RIT2: variants seen among roughly 807,000 people sequenced by gnomAD.
RIT2 encodes the protein Ras like without CAAX 2, also known as GTP-binding protein Rit2.
Under a neutral mutation model 23.7 loss-of-function variants are expected in RIT2, and 24 were observed. The observed-to-expected ratio is 1.01, with a 90% CI of 0.73 to 1.43. RIT2 has a LOEUF of 1.43. RIT2 is among the 40% of genes most tolerant of loss of function. RIT2 has a pLI of 0.00. For missense variants in RIT2, 236 were observed against 266.9 expected (o/e 0.88, Z 0.81); for synonymous variants, 107 against 91.1 (o/e 1.17, Z -0.99).
chr18:43,098,989 T>C (rs1256729420), intron 1 of RIT2, among the ~76,000 whole-genome samples: 1 of 152,050 alleles, frequency 6.6e-6, no homozygotes, highest in Non-Finnish European at 1.5e-5. Context: ...AAAACCTCCA[T>C]GCTGTTGGCA....
intron 3 of RIT2, among the ~76,000 whole-genome samples, chr18:42,925,286 C>T (rs555615230): frequency 4.5e-4 from 69 of 152,126 alleles, no homozygotes; most frequent in Non-Finnish European, 8.5e-4. Flanking sequence ...TTCTGACATA[C>T]TCTGATTTTG....
chr18:42,860,478 A>C (rs892612195), intron 4 of RIT2, among the ~76,000 whole-genome samples: 1 of 152,186 alleles, frequency 6.6e-6, no homozygotes, highest in Admixed American at 6.5e-5. Context: ...CAGTGTTCTC[A>C]TTGCTTTTAT....
intron 4 of RIT2, among the ~76,000 whole-genome samples, chr18:42,806,545 T>A (rs61360985): frequency 0.073 from 11,047 of 152,200 alleles, 1,285 homozygotes; most frequent in African/African-American, 0.25. Context: ...AAGAACACAA[T>A]GGCAATAAAT....
At chr18:42,775,487 G>A (rs1268247603) in intron 4 of RIT2, among the ~76,000 whole-genome samples, 2 of 152,008 alleles carry the variant, frequency 1.3e-5, no homozygotes, top group African/African-American at 4.8e-5. Context: ...ACAAGGTCAG[G>A]AGATCGAGAC....
chr18:43,039,349 CTTT>C (rs1251475840), intron 1 of RIT2, among the ~76,000 whole-genome samples: 3 of 133,248 alleles, frequency 2.3e-5, no homozygotes, highest in Non-Finnish European at 3.2e-5. Flanking sequence ...TTTTTCTTTT[CTTT>C]TTTTTTTTTT....
At chr18:42,906,012 ATATATATATG>A (rs1309602725) in intron 4 of RIT2, among the ~76,000 whole-genome samples, 61 of 131,102 alleles carry the variant, frequency 4.7e-4, no homozygotes, top group African/African-American at 2.0e-3. Flanking sequence ...ATATACATAT[ATATATATATG>A]TATATATATA....
At chr18:42,852,432 G>A (rs1907078741) in intron 4 of RIT2, among the ~76,000 whole-genome samples, 2 of 152,130 alleles carry the variant, frequency 1.3e-5, no homozygotes, top group Non-Finnish European at 2.9e-5. Flanking sequence ...CTGTACTGTT[G>A]AACTGATGTG....
At chr18:42,947,020 C>A (rs1255960711) in intron 3 of RIT2, among the ~76,000 whole-genome samples, 1 of 152,044 alleles carries the variant, frequency 6.6e-6, no homozygotes, top group Non-Finnish European at 1.5e-5. Context: ...TCTCTCTTTT[C>A]TTTTTACATA....
intron 4 of RIT2, among the ~76,000 whole-genome samples, chr18:42,800,467 C>T (rs1433265129): frequency 6.6e-6 from 1 of 151,492 alleles, no homozygotes; most frequent in Non-Finnish European, 1.5e-5. Context: ...ATGTCAGAGC[C>T]GATCTACTCT....
intron 1 of RIT2, among the ~76,000 whole-genome samples, chr18:43,047,739 C>T (rs1912281953): frequency 6.6e-6 from 1 of 152,016 alleles, no homozygotes; most frequent in African/African-American, 2.4e-5. Context: ...TGGAACATGC[C>T]AGGGAGCCAT....
intron 1 of RIT2, among the ~76,000 whole-genome samples, chr18:43,055,974 T>C: frequency 6.6e-6 from 1 of 152,118 alleles, no homozygotes; most frequent in South Asian, 2.1e-4. Context: ...TAAAGGTGAA[T>C]TCCACACCTA....
chr18:42,863,714 C>T (rs1907392630), intron 4 of RIT2, among the ~76,000 whole-genome samples: 1 of 152,136 alleles, frequency 6.6e-6, no homozygotes, highest in Non-Finnish European at 1.5e-5. Flanking sequence ...ATGTCCTCAG[C>T]CCTGTTTCCA....
At chr18:43,022,109 G>A (rs548247165) in intron 2 of RIT2, among the ~76,000 whole-genome samples, 1 of 152,092 alleles carries the variant, frequency 6.6e-6, no homozygotes, top group Non-Finnish European at 1.5e-5. Flanking sequence ...TAAACACAAT[G>A]GAATACTACT....
intron 2 of RIT2, among the ~76,000 whole-genome samples, chr18:42,996,636 AC>A (rs1488213894): frequency 1.3e-5 from 2 of 149,486 alleles, no homozygotes; most frequent in Non-Finnish European, 3.0e-5. Context: ...CCAGAGAACA[AC>A]CCCCCTTTGA....
chr18:42,747,490 A>C (rs1396960273), intron 4 of RIT2, among the ~76,000 whole-genome samples: 1 of 151,960 alleles, frequency 6.6e-6, no homozygotes, highest in Non-Finnish European at 1.5e-5. Context: ...GCAATCTATA[A>C]ATGCAATTTC....
At chr18:42,958,136 G>C (rs960202427) in intron 3 of RIT2, among the ~76,000 whole-genome samples, 3 of 152,102 alleles carry the variant, frequency 2.0e-5, no homozygotes, top group Non-Finnish European at 4.4e-5. Context: ...GGCAAGGCAA[G>C]AAACAGTCTA....
intron 4 of RIT2, among the ~76,000 whole-genome samples, chr18:42,910,641 C>G (rs1031853648): frequency 5.3e-5 from 8 of 152,024 alleles, no homozygotes; most frequent in Non-Finnish European, 1.0e-4. Flanking sequence ...AGAAGAAGCA[C>G]CTGAATGTTG....
At chr18:43,085,882 A>T (rs1913271805) in intron 1 of RIT2, among the ~76,000 whole-genome samples, 1 of 152,084 alleles carries the variant, frequency 6.6e-6, no homozygotes, top group South Asian at 2.1e-4. Context: ...ACAGGATCTG[A>T]TGATTTTATA....
At chr18:42,924,043 T>C (rs1909122288) in intron 3 of RIT2, among the ~76,000 whole-genome samples, 1 of 152,098 alleles carries the variant, frequency 6.6e-6, no homozygotes, top group South Asian at 2.1e-4. Context: ...TCATTAAATT[T>C]ATTTGAACCC....
Sources: gnomAD v4.1 joint callset for allele counts (sites outside exome capture counted in the v4.1 genomes callset) on GRCh38, gnomAD v4.1.1 for gene constraint, MANE v1.5 for transcripts, NCBI Gene and HGNC (gene_info 2026-07-23, HGNC 2026-07-21) for gene names.